Variants in STAC2 observed in about 807,000 individuals in gnomAD.
STAC2 encodes SH3 and cysteine rich domain 2, also known as SH3 and cysteine-rich domain-containing protein 2.
A neutral mutation model predicts 49.0 loss-of-function variants in STAC2; 36 were observed. The ratio of observed to expected loss-of-function variants is 0.74; its 90% confidence interval spans 0.56 to 0.97. The LOEUF (loss-of-function observed/expected upper bound fraction) is 0.97, where lower values mean the gene tolerates loss of function less well. STAC2 is among the 50% of genes least tolerant of loss of function. The pLI is 0.00. For synonymous variants in STAC2, 239 were observed against 214.7 expected (o/e 1.11, Z -0.99); for missense variants, 527 against 543.8 (o/e 0.97, Z 0.31).
In STAC2 at chr17:39,225,371, C is replaced by T; in HGVS notation, c.90+42G>A. The T allele has an allele frequency of 1.9e-6, 3 of 1,543,934 alleles. No individual in the cohort carries two copies. The highest frequency in any genetic ancestry group is 1.4e-5 in the African/African-American group (1 of 70,420). On this transcript the variant is annotated intron_variant, in intron 1 of 10. Coordinates refer to ENST00000333461, the MANE Select transcript of STAC2 (RefSeq NM_198993.5). The surrounding 1 kb of genome is among the most constrained non-coding windows in gnomAD (Gnocchi z 8.2). The stretch of plus-strand genomic sequence containing the variant: ...GAGGACCCCGCCGGGAAGAGGGCGC[C>T]CGGGCCCGGGGCGCGGACAGGCCTT...
rs1051801868 is a variant in STAC2 at position 39,215,253 on chromosome 17, G to A, written c.587-23C>T. 11 of 1,611,472 alleles carry A rather than the reference G, an allele frequency of 6.8e-6. No individual in the cohort carries two copies. In the African/African-American group the frequency reaches 1.3e-4, roughly 20 times the overall value. Reference sequence around the variant, plus strand: ...CCCCTGCAGATTATCCACCCTCAAGGCCTGGCTCTGCCTCAAAGCCCTGCA... The same window carrying A: ...CCCCTGCAGATTATCCACCCTCAAGACCTGGCTCTGCCTCAAAGCCCTGCA... On this transcript the variant is annotated intron_variant, in intron 4 of 10. Coordinates refer to ENST00000333461, the MANE Select transcript of STAC2 (RefSeq NM_198993.5).
intron 9 of STAC2, 56 bp downstream of exon 9, chr17:39,213,451 T>C (rs58545654): frequency 1.0e-5 from 16 of 1,601,220 alleles, no homozygotes; most frequent in Non-Finnish European, 1.3e-5. Context: ...CCATTGGGGG[T>C]GGGGGCTGCT....
rs1293216849 is a variant in STAC2 at position 39,212,103 on chromosome 17, T to A, written c.*189A>T. 5 of 118,244 alleles carry A rather than the reference T, an allele frequency of 4.2e-5. No homozygotes were observed. The highest frequency in any genetic ancestry group is 1.4e-4 in the Admixed American group (1 of 7,090). The allele number at this position is 118,244 out of a possible 1,614,324, so 7.3% of individuals were successfully genotyped here. On this transcript the variant is annotated 3_prime_UTR_variant, in exon 11 of 11. Coordinates refer to ENST00000333461, the MANE Select transcript of STAC2 (RefSeq NM_198993.5). ...GCCAAGTCCCAGAGGATCAACCCAC[T>A]CAGGGCACCCCACCCAAGAAATAAA...
Position 39,225,598 on chromosome 17 carries a change from G to C in STAC2, c.-96C>G, listed in dbSNP as rs35137197. Reference sequence around the variant, plus strand: ...CGGGCGTCTCCGGGACTCTGAAGCCGTTCTCCAGAGGCTGCCCCCAGTTAG... The same window carrying C: ...CGGGCGTCTCCGGGACTCTGAAGCCCTTCTCCAGAGGCTGCCCCCAGTTAG... On this transcript the variant is annotated 5_prime_UTR_variant, in exon 1 of 11. Transcript: ENST00000333461. This position sits in a 1 kb window ranked among gnomAD's most constrained non-coding sequence, Gnocchi z 8.2. The C allele has an allele frequency of 0.1, 122,830 of 1,176,916 alleles. 15,583 individuals are homozygous for C. Among genetic ancestry groups the C allele is most frequent in the African/African-American group, 0.6 (38,653 of 64,504 alleles). 72.9% of individuals were successfully genotyped at this position (1,176,916 alleles called of 1,614,324 possible). A position where few individuals can be genotyped will look rare whatever the true frequency, so the allele number is the denominator to read the frequency against.
At chr17:39,213,633 C>T (rs959534852) in intron 8 of STAC2, 75 bp from the exon 9 acceptor site, 25 of 1,419,266 alleles carry the variant, frequency 1.8e-5, no homozygotes, top group Non-Finnish European at 2.1e-5. Context: ...ACCCTGGGCA[C>T]CTGGGGGACA....
At chr17:39,214,914 T>C (rs1441831376) in intron 6 of STAC2, 37 bp downstream of exon 6, 2 of 1,613,982 alleles carry the variant, frequency 1.2e-6, no homozygotes, top group South Asian at 2.2e-5. Context: ...CCCTCCATTG[T>C]ACCCCATTCC....
intron 6 of STAC2, 26 bp downstream of exon 6, chr17:39,214,925 T>C: frequency 2.5e-6 from 4 of 1,613,978 alleles, no homozygotes; most frequent in Non-Finnish European, 3.4e-6. Flanking sequence ...ACCCCATTCC[T>C]GCCCTTGATG....
intron 1 of STAC2, among the ~76,000 whole-genome samples, chr17:39,223,420 G>T (rs2046480787): frequency 6.6e-6 from 1 of 152,222 alleles, no homozygotes; most frequent in South Asian, 2.1e-4. Context: ...TAGGGGAGGG[G>T]CGGAGGGCCG....
rs767856055 is a variant in STAC2 at position 39,216,850 on chromosome 17, C to T, written c.546G>A (p.Pro182=). The part of the protein sequence containing the change: ...NFSSPLLVHE[P]PPVCATSKES... Reference sequence around the variant, plus strand: ...CTTTGCTTGTGGCACAGACTGGTGGCGGCTCATGCACCAGGAGAGGGGAAC... The same window carrying T: ...CTTTGCTTGTGGCACAGACTGGTGGTGGCTCATGCACCAGGAGAGGGGAAC... Residue 182 remains proline, a synonymous_variant, in exon 4 of 11, where the codon CCG becomes CCA. Coordinates refer to ENST00000333461, the MANE Select transcript of STAC2 (RefSeq NM_198993.5). The T allele has an allele frequency of 1.2e-5, 20 of 1,602,560 alleles. No individual in the cohort carries two copies. Among genetic ancestry groups the T allele is most frequent in the East Asian group, 4.5e-5 (2 of 44,554 alleles).
rs753572081 is a variant in STAC2 at position 39,215,141 on chromosome 17, A to C, written c.676T>G (p.Ser226Ala). The C allele has an allele frequency of 6.2e-7, 1 of 1,613,950 alleles. No homozygotes were observed. Among genetic ancestry groups the C allele is most frequent in the Admixed American group, 1.7e-5 (1 of 60,010 alleles). ...ACCAGGCTCCTTGTCGGGGACTCAGAGGTGCTGCTGAAACTGGAGCGGTTC... is the reference window on the plus strand; with the variant it reads ...ACCAGGCTCCTTGTCGGGGACTCAGCGGTGCTGCTGAAACTGGAGCGGTTC... ...LMNRSSFSST[S>A]ESPTRSLSER... The change falls in exon 5 of 11, where the codon TCT becomes GCT. Residue 226 changes from serine (S) to alanine (A), a missense_variant. By Grantham distance (99) the Ser-to-Ala change is moderately conservative. Transcript: ENST00000333461.
In STAC2 at chr17:39,212,948, ACTCC is replaced by A. The variant is rs150750585; in HGVS notation, c.1131+43_1131+46del. 9,858 of 1,600,846 alleles carry A rather than the reference ACTCC, an allele frequency of 6.2e-3. 121 individuals carry two copies. Among genetic ancestry groups the A allele is most frequent in the East Asian group, 0.052 (2,319 of 44,460 alleles). On this transcript the variant is annotated intron_variant, in intron 10 of 10. Coordinates refer to ENST00000333461, the MANE Select transcript of STAC2 (RefSeq NM_198993.5). ...GCACCGCAGCCTGTCTCCCCCGCCC[ACTCC>A]CTCCCTCCGCCATAGGGCCTGGGCT... is the stretch of plus-strand genomic sequence containing the variant.
chr17:39,217,868 T>C lies in STAC2; in HGVS notation c.396A>G (p.Val132=). ...CCGCCTCAGTGCCCAGGCACCTACCTACGATGAGCTGGTGGCACAGCTCAC... is the reference window on the plus strand; with the variant it reads ...CCGCCTCAGTGCCCAGGCACCTACCCACGATGAGCTGGTGGCACAGCTCAC... ...SPCELCHQLI[V]GNSKQGLRCK... The change falls in exon 2 of 11, where the codon GTA becomes GTG. Residue 132 remains valine, a splice_region_variant and synonymous_variant. Transcript: ENST00000333461. The C allele has an allele frequency of 6.2e-7, 1 of 1,600,936 alleles. No individual in the cohort carries two copies. The highest frequency in any genetic ancestry group is 8.5e-7 in the Non-Finnish European group (1 of 1,174,628).
At position 39,217,177 on chromosome 17, in the gene STAC2, G is replaced by A; in HGVS notation, c.398-4C>T. ...CGCAAGCCCTGTTTGGAGTTTCCTAGGAAGAATTTGGGTTCAGCAATTGAG... is the reference window on the plus strand; with the variant it reads ...CGCAAGCCCTGTTTGGAGTTTCCTAAGAAGAATTTGGGTTCAGCAATTGAG... On this transcript the variant is annotated splice_polypyrimidine_tract_variant and splice_region_variant and intron_variant, in intron 2 of 10. Coordinates refer to ENST00000333461, the MANE Select transcript of STAC2 (RefSeq NM_198993.5). 1.9e-6 allele frequency: 3 copies of A among 1,612,430 alleles called. No homozygotes were observed. The highest frequency in any genetic ancestry group is 3.3e-4 in the Middle Eastern group (2 of 6,058).
At chr17:39,218,225 G>A (rs1166282317) in intron 1 of STAC2, 52 bp from the exon 2 acceptor site, 9 of 1,602,684 alleles carry the variant, frequency 5.6e-6, no homozygotes, top group South Asian at 5.5e-5. Flanking sequence ...GGCTGGCCAG[G>A]GCGGGCTTCC....
intron 10 of STAC2, among the ~76,000 whole-genome samples, 200 bp from the exon 11 acceptor site, chr17:39,212,596 C>G (rs2046364309): frequency 6.6e-6 from 1 of 152,176 alleles, no homozygotes; most frequent in Non-Finnish European, 1.5e-5. Flanking sequence ...TCAGCAGACA[C>G]CCAGCAGCAC....
chr17:39,215,353 T>G (rs1266022921), intron 4 of STAC2, 123 bp from the exon 5 acceptor site: 9 of 961,846 alleles, frequency 9.4e-6, no homozygotes, highest in Non-Finnish European at 1.3e-5. Context: ...CAGGTCTTCC[T>G]CATCCCAGAG....
At chr17:39,214,389 C>T (rs2046382735) in intron 7 of STAC2, 59 bp from the exon 8 acceptor site, 1 of 1,608,542 alleles carries the variant, frequency 6.2e-7, no homozygotes, top group African/African-American at 1.3e-5. Flanking sequence ...CCCCCACTCT[C>T]CACTCGCTCT....
chr17:39,216,804 A>G lies in STAC2; in HGVS notation c.586+6T>C. 6.3e-7 allele frequency: 1 copy of G among 1,581,544 alleles called. No individual in the cohort carries two copies. Among genetic ancestry groups the G allele is most frequent in the Non-Finnish European group, 8.6e-7 (1 of 1,164,020 alleles). On this transcript the variant is annotated splice_donor_region_variant and intron_variant, in intron 4 of 10. Transcript: ENST00000333461. ...AGCAGGGACTGCGGCCAGGGGGGGC[A>G]CTCACCAGTGGGTGGGGACTCTTTG... is the stretch of plus-strand genomic sequence containing the variant.
chr17:39,213,214 A>C, intron 9 of STAC2, 82 bp from the exon 10 acceptor site: 1 of 1,571,246 alleles, frequency 6.4e-7, no homozygotes, highest in Non-Finnish European at 8.6e-7. Flanking sequence ...CCCGGTTCCC[A>C]CTCAGCACCA....
Sources: allele counts gnomAD v4.1 joint callset (sites outside exome capture counted in the v4.1 genomes callset), GRCh38; gene constraint gnomAD v4.1.1; non-coding constraint Gnocchi (gnomAD v3.1); transcripts MANE v1.5; gene names NCBI Gene and HGNC (gene_info 2026-07-23, HGNC 2026-07-21).